The following CAV1 variants were observed in gnomAD, a reference collection of about 807,000 sequenced individuals.
CAV1 encodes the protein caveolin 1, also known as caveolin-1.
CAV1 carries 10 observed loss-of-function variants against 16.5 expected under a neutral mutation model. The observed-to-expected ratio is 0.61, with a 90% CI of 0.37 to 1.03. The LOEUF (loss-of-function observed/expected upper bound fraction) is 1.03, where lower values mean the gene tolerates loss of function less well. CAV1 is among the 50% of genes least tolerant of loss of function. The pLI is 0.01. For missense variants in CAV1, 212 were observed against 232.8 expected (o/e 0.91, Z 0.58); for synonymous variants, 76 against 85.1 (o/e 0.89, Z 0.59).
At chr7:116,555,483 GAAAAGAAAGAAAGAAAGAAAGAAAGAAA>G (rs1794246810) in intron 2 of CAV1, among the ~76,000 whole-genome samples, 2 of 15,362 alleles carry the variant, frequency 1.3e-4, no homozygotes, top group Non-Finnish European at 1.2e-4. Flanking sequence ...AAGGAGGAAA[GAAAAGAAAGAAAGAAAGAAAGAAAGAAA>G]GAAAGAAAGA....
At chr7:116,543,089 C>T (rs1793973064) in intron 2 of CAV1, 1 of 152,152 alleles carries the variant, frequency 6.6e-6, no homozygotes, top group Non-Finnish European at 1.5e-5. Context: ...ACATGGACCT[C>T]CAGGGTTATA....
rs35697540 is a variant in CAV1 at position 116,525,106 on chromosome 7, G to T, written c.30+14G>T. On this transcript the variant is annotated intron_variant, in intron 1 of 2. Coordinates refer to ENST00000341049, the MANE Select transcript of CAV1 (RefSeq NM_001753.5). ...GTAGACTCGGAGGTAGGCATCCGTG[G>T]GGGGGCGCCGGCTCGGGCGTGCGGG... 0.014 allele frequency: 22,391 copies of T among 1,614,164 alleles called. 416 individuals are homozygous for T. Among genetic ancestry groups the T allele is most frequent in the South Asian group, 0.068 (6,170 of 91,074 alleles).
rs138143776 is a variant in CAV1 at position 116,559,237 on chromosome 7, G to T, written c.487G>T (p.Val163Phe). 1.2e-6 allele frequency: 2 copies of T among 1,613,812 alleles called. No individual in the cohort carries two copies. Among genetic ancestry groups the T allele is most frequent in the African/African-American group, 2.7e-5 (2 of 74,898 alleles). The stretch of plus-strand genomic sequence containing the variant: ...CGTCTGTGACCCACTCTTTGAAGCT[G>T]TTGGGAAAATATTCAGCAATGTCCG... Reference protein sequence around the residue: ...HTVCDPLFEAVGKIFSNVRIN... With the variant: ...HTVCDPLFEAFGKIFSNVRIN... Residue 163 changes from valine to phenylalanine, a missense_variant, in exon 3 of 3, where the codon GTT becomes TTT. Transcript: ENST00000341049.
intron 2 of CAV1, among the ~76,000 whole-genome samples, chr7:116,540,192 G>A (rs1793908082): frequency 6.6e-6 from 1 of 152,148 alleles, no homozygotes; most frequent in African/African-American, 2.4e-5. Flanking sequence ...CTTTGCCTCA[G>A]AAGTGGTTTC....
At position 116,559,144 on chromosome 7, in the gene CAV1, C is replaced by G. The variant is rs748608068; in HGVS notation, c.394C>G (p.Pro132Ala). 1.9e-5 allele frequency: 31 copies of G among 1,613,814 alleles called. No individual in the cohort carries two copies. The highest frequency in any genetic ancestry group is 2.6e-5 in the Non-Finnish European group (31 of 1,179,900). ...TTTCCTGCACATCTGGGCAGTTGTA[C>G]CATGCATTAAGAGCTTCCTGATTGA... ...LSFLHIWAVV[P>A]CIKSFLIEIQ... is the part of the protein sequence containing the mutation. Residue 132 changes from proline to alanine, a missense_variant, in exon 3 of 3, where the codon CCA (proline) becomes GCA (alanine). Physicochemically the swap from Pro to Ala is conservative, Grantham distance 27. Transcript: ENST00000341049.
In CAV1 at chr7:116,559,745, C is replaced by T. The variant is rs1584788813; in HGVS notation, c.*458C>T. ...AGTATGTGGGCAGATTTTCAGCAAA[C>T]TCTTTTCCCACTGTTTAAGGAGTTA... On this transcript the variant is annotated 3_prime_UTR_variant, in exon 3 of 3. Coordinates refer to ENST00000341049, the MANE Select transcript of CAV1 (RefSeq NM_001753.5). 2.3e-6 allele frequency: 1 copy of T among 435,736 alleles called. No homozygotes were observed. Among genetic ancestry groups the T allele is most frequent in the Non-Finnish European group, 4.0e-6 (1 of 249,370 alleles). The allele number at this position is 435,736 out of a possible 1,614,324, so 27.0% of individuals were successfully genotyped here.
In CAV1 at chr7:116,559,772, T is replaced by C. The variant is rs889861195; in HGVS notation, c.*485T>C. On this transcript the variant is annotated 3_prime_UTR_variant, in exon 3 of 3. Transcript: ENST00000341049. ...CTTTTCCCACTGTTTAAGGAGTTAG[T>C]GGATTACTGCCATTCACTTCATAAT... is the stretch of plus-strand genomic sequence containing the variant. 13 of 421,196 alleles carry C rather than the reference T, an allele frequency of 3.1e-5. No homozygotes were observed. Among genetic ancestry groups the C allele is most frequent in the African/African-American group, 2.7e-4 (13 of 48,742 alleles). The allele number at this position is 421,196 out of a possible 1,614,324, so 26.1% of individuals were successfully genotyped here.
chr7:116,558,271 C>A (rs1171447653), intron 2 of CAV1, among the ~76,000 whole-genome samples: 2 of 152,150 alleles, frequency 1.3e-5, no homozygotes, highest in Non-Finnish European at 2.9e-5. Context: ...GTACTGAGTG[C>A]CTCGTATCCT....
intron 2 of CAV1, among the ~76,000 whole-genome samples, chr7:116,533,022 A>G (rs1793716068): frequency 6.6e-6 from 1 of 152,114 alleles, no homozygotes; most frequent in Non-Finnish European, 1.5e-5. Context: ...AGGGAGCAAA[A>G]TTGTTTGTCT....
intron 2 of CAV1, among the ~76,000 whole-genome samples, chr7:116,554,856 T>C (rs1794229062): frequency 6.6e-6 from 1 of 152,084 alleles, no homozygotes; most frequent in Non-Finnish European, 1.5e-5. Context: ...ACTAAGCAAA[T>C]AAGACAATTG....
At chr7:116,530,886 A>G (rs1230777469) in intron 2 of CAV1, among the ~76,000 whole-genome samples, 5 of 152,234 alleles carry the variant, frequency 3.3e-5, no homozygotes, top group Non-Finnish European at 5.9e-5. Flanking sequence ...CGTTTTTGTA[A>G]AATGACTCTG....
intron 2 of CAV1, among the ~76,000 whole-genome samples, chr7:116,555,386 C>T (rs1016612700): frequency 4.0e-5 from 6 of 149,068 alleles, no homozygotes; most frequent in African/African-American, 1.5e-4. Flanking sequence ...CTGCAGTGGG[C>T]AGTGATCATG....
intron 2 of CAV1, chr7:116,552,069 C>T (rs1286365690): frequency 6.6e-6 from 1 of 152,158 alleles, no homozygotes; most frequent in African/African-American, 2.4e-5. Context: ...TAACCCATCA[C>T]TTTTGCCATG....
At chr7:116,545,554 C>T (rs1446909841) in intron 2 of CAV1, among the ~76,000 whole-genome samples, 1 of 152,154 alleles carries the variant, frequency 6.6e-6, no homozygotes, top group Non-Finnish European at 1.5e-5. Context: ...AGACTAGAAG[C>T]ACTGGAGGAA....
chr7:116,544,725 T>C (rs1350935358), intron 2 of CAV1, among the ~76,000 whole-genome samples: 2 of 152,160 alleles, frequency 1.3e-5, no homozygotes, highest in Non-Finnish European at 2.9e-5. Flanking sequence ...TACTCAAGAT[T>C]CCAGTCTGAA....
In CAV1 at chr7:116,526,701, C is replaced by T; in HGVS notation, c.195+12C>T. On this transcript the variant is annotated intron_variant, in intron 2 of 2. Transcript: ENST00000341049. ...ATGACGTGGTCAAGGTAAGCCAAGG[C>T]GACCAACAGGGAAGGGCTGGGACAG... 1 of 1,613,972 alleles carries T rather than the reference C, an allele frequency of 6.2e-7. No individual in the cohort carries two copies. Among genetic ancestry groups the T allele is most frequent in the South Asian group, 1.1e-5 (1 of 91,076 alleles).
chr7:116,530,011 ATTAAT>A (rs1192617081), intron 2 of CAV1, among the ~76,000 whole-genome samples: 1 of 152,052 alleles, frequency 6.6e-6, no homozygotes, highest in Non-Finnish European at 1.5e-5. Flanking sequence ...TTAGCCATCA[ATTAAT>A]TTATTTATTA....
Position 116,560,000 on chromosome 7 carries a change from T to C in CAV1, c.*713T>C, listed in dbSNP as rs1794373795. The C allele has an allele frequency of 5.0e-6, 2 of 396,676 alleles. No homozygotes were observed. The highest frequency in any genetic ancestry group is 6.3e-4 in the Middle Eastern group (1 of 1,600). The allele number at this position is 396,676 out of a possible 1,614,324, so 24.6% of individuals were successfully genotyped here. A position where few individuals can be genotyped will look rare whatever the true frequency, so the allele number is the denominator to read the frequency against. On this transcript the variant is annotated 3_prime_UTR_variant, in exon 3 of 3. Coordinates refer to ENST00000341049, the MANE Select transcript of CAV1 (RefSeq NM_001753.5). ...ATAGGGTCTAACTCAGCAACTCGCT[T>C]TAGGTCAGCAGCCTCCCTGAAGACC...
At chr7:116,534,356 A>G (rs1793748782) in intron 2 of CAV1, among the ~76,000 whole-genome samples, 2 of 106,346 alleles carry the variant, frequency 1.9e-5, no homozygotes, top group African/African-American at 6.2e-5. Context: ...GCCTGGGCCC[A>G]CCTCAGATAT....
Sources: gnomAD v4.1 joint callset for allele counts (sites outside exome capture counted in the v4.1 genomes callset) on GRCh38, gnomAD v4.1.1 for gene constraint, MANE v1.5 for transcripts, NCBI Gene and HGNC (gene_info 2026-07-23, HGNC 2026-07-21) for gene names.